Variants in INTS6 observed in about 807,000 individuals in gnomAD.
The protein encoded by INTS6 is DEAD box protein.
INTS6 carries 16 observed loss-of-function variants against 104.9 expected under a neutral mutation model. That is an observed-to-expected ratio of 0.15 (90% CI 0.10 to 0.23). The LOEUF is 0.23. Ranked by LOEUF, INTS6 falls within the 10% of genes least tolerant of loss-of-function variation. The pLI is 1.00. For missense variants in INTS6, 584 were observed against 1,062.8 expected (o/e 0.55, Z 6.26); for synonymous variants, 324 against 358.7 (o/e 0.90, Z 1.09).
chr13:51,343,190 C>T, the INTS6 span, among the ~76,000 whole-genome samples: 3 of 152,122 alleles, frequency 2.0e-5, no homozygotes, highest in East Asian at 1.9e-4. Flanking sequence ...GAAAACCAGC[C>T]GGAGCCAGGT....
chr13:51,450,283 C>A (rs145230514), intron 3 of INTS6: 3 of 984,918 alleles, frequency 3.0e-6, no homozygotes, highest in Non-Finnish European at 3.6e-6. Flanking sequence ...TTACAATAGA[C>A]CACCTTGCAT....
At chr13:51,432,046 G>A (rs1957101274) in intron 3 of INTS6, among the ~76,000 whole-genome samples, 1 of 151,996 alleles carries the variant, frequency 6.6e-6, no homozygotes, top group Non-Finnish European at 1.5e-5. Flanking sequence ...TTTCCCTAAA[G>A]TAGAATGCTT....
the INTS6 span, chr13:51,341,470 C>A: frequency 1.0e-6 from 1 of 965,236 alleles, no homozygotes; most frequent in Non-Finnish European, 1.5e-6. Context: ...CTCATACTCA[C>A]ACTCACTCTC....
chr13:51,387,589 T>A, intron 6 of INTS6, 49 bp from the exon 7 acceptor site: 2 of 1,419,790 alleles, frequency 1.4e-6, no homozygotes, highest in Non-Finnish European at 1.9e-6. Context: ...TAAGGGGGGA[T>A]AAGCATAAAA....
rs1956087138 is a variant in INTS6, at chr13:51,383,417, A to G, written c.1092T>C (p.Pro364=). The G allele has an allele frequency of 9.9e-6, 16 of 1,614,030 alleles. No individual in the cohort carries two copies. Among genetic ancestry groups the G allele is most frequent in the Non-Finnish European group, 1.0e-5 (12 of 1,179,942 alleles). Residue 364 remains proline, a synonymous_variant, in exon 9 of 18, where the codon CCT becomes CCC. Coordinates refer to ENST00000311234, the MANE Select transcript of INTS6 (RefSeq NM_012141.3). The part of the protein sequence containing the change: ...NSAKYSELGH[P]FGYLKASTAL... ...CTGTACTGGCTTTCAAGTAACCAAA[A>G]GGATGACCAAGTTCACTGTATTTTG...
At chr13:51,390,992 T>C (rs1956236926) in intron 5 of INTS6, among the ~76,000 whole-genome samples, 1 of 152,140 alleles carries the variant, frequency 6.6e-6, no homozygotes, top group Non-Finnish European at 1.5e-5. Context: ...ATTCAAACCC[T>C]TACAGTGTAT....
intron 4 of INTS6, among the ~76,000 whole-genome samples, chr13:51,419,488 T>A (rs1178871484): frequency 6.6e-6 from 1 of 152,218 alleles, no homozygotes; most frequent in African/African-American, 2.4e-5. Context: ...CTCTCTTCAG[T>A]GACCTTTATG....
At chr13:51,376,237 C>A (rs562761279) in intron 12 of INTS6, 63 bp from the exon 13 acceptor site, 49 of 1,347,644 alleles carry the variant, frequency 3.6e-5, no homozygotes, top group Middle Eastern at 1.9e-4. Context: ...AGACTAAAAT[C>A]TCTAGCCTGC....
intron 3 of INTS6, chr13:51,447,305 ACTAC>A: frequency 6.6e-6 from 1 of 152,284 alleles, no homozygotes; most frequent in South Asian, 2.1e-4. Flanking sequence ...TGTATTTCAC[ACTAC>A]CTATTAAATG....
In INTS6 at chr13:51,369,069, T is replaced by C. The variant is rs770336748; in HGVS notation, c.2346A>G (p.Gln782=). 2.5e-5 allele frequency: 40 copies of C among 1,613,776 alleles called. No individual in the cohort carries two copies. In the South Asian group the frequency reaches 4.4e-4, roughly 18 times the overall value. ...ATGCTGGTATGTTCTCTTCAGCACA[T>C]TGTTCTTTATCTCTTGGCTCCTCAT... ...ENHEEPRDKE[Q]CAEENIPASS... The change falls in exon 16 of 18, where the codon CAA becomes CAG. Residue 782 remains glutamine (Q), a synonymous_variant. Coordinates refer to ENST00000311234, the MANE Select transcript of INTS6 (RefSeq NM_012141.3).
At chr13:51,338,289 C>T in the INTS6 span, among the ~76,000 whole-genome samples, 1 of 152,346 alleles carries the variant, frequency 6.6e-6, no homozygotes, top group East Asian at 1.9e-4. Flanking sequence ...CGCTCCATCA[C>T]CATCAACATC....
intron 7 of INTS6, among the ~76,000 whole-genome samples, chr13:51,386,851 A>G (rs1220945860): frequency 6.6e-6 from 1 of 152,184 alleles, no homozygotes; most frequent in Non-Finnish European, 1.5e-5. Context: ...AGAATTATAT[A>G]ATGAATACTG....
At chr13:51,360,215 T>C (rs148137092), downstream of INTS6, among the ~76,000 whole-genome samples, 2 of 152,178 alleles carry the variant, frequency 1.3e-5, no homozygotes, top group East Asian at 1.9e-4. Context: ...TCACACAATA[T>C]GTGTTCATCA....
At chr13:51,447,443 T>A (rs1293862382) in intron 3 of INTS6, 1 of 152,156 alleles carries the variant, frequency 6.6e-6, no homozygotes. Flanking sequence ...TCCCTGAGAA[T>A]CATTAAATTT....
At chr13:51,451,373 G>C (rs1365604891) in intron 2 of INTS6, 199 bp from the exon 3 acceptor site, 6 of 384,380 alleles carry the variant, frequency 1.6e-5, no homozygotes, top group Non-Finnish European at 2.3e-5. Context: ...TCTAGGTTTT[G>C]GTAGTTAACT....
rs57913744 is a variant in INTS6, at chr13:51,409,263, AAATAATAATAATAATAATAAT to A, written c.430-13801_430-13781del. ...GGGTGACAGAGTGAGAATCCGTCTC[AAATAATAATAATAATAATAAT>A]AATAATAATAATAATAATAATAATA... On this transcript the variant is annotated intron_variant, in intron 4 of 17. Coordinates refer to ENST00000311234, the MANE Select transcript of INTS6 (RefSeq NM_012141.3). 3.6e-3 allele frequency among the ~76,000 whole-genome samples: 485 copies of A among 135,946 alleles called. 1 individual carries two copies. Among genetic ancestry groups the A allele is most frequent in the Admixed American group, 5.5e-3 (74 of 13,350 alleles). 89.2% of individuals were successfully genotyped at this position (135,946 alleles called of 152,430 possible). A position where few individuals can be genotyped will look rare whatever the true frequency, so the allele number is the denominator to read the frequency against.
At chr13:51,405,613 C>T (rs1956547263) in intron 4 of INTS6, among the ~76,000 whole-genome samples, 1 of 152,064 alleles carries the variant, frequency 6.6e-6, no homozygotes, top group Non-Finnish European at 1.5e-5. Context: ...CTCCGAAGCA[C>T]TCAAAGGTAT....
chr13:51,372,093 C>T (rs933558319), intron 15 of INTS6, among the ~76,000 whole-genome samples: 1 of 152,288 alleles, frequency 6.6e-6, no homozygotes, highest in South Asian at 2.1e-4. Flanking sequence ...TTTCAAAACC[C>T]TGTGAACTCT....
intron 4 of INTS6, chr13:51,402,614 T>C (rs764667376): frequency 9.9e-5 from 15 of 152,206 alleles, no homozygotes; most frequent in Admixed American, 5.2e-4. Flanking sequence ...TTTAGTAATA[T>C]CGCCAACCCA....
Sources: gnomAD v4.1 joint callset for allele counts (sites outside exome capture counted in the v4.1 genomes callset) on GRCh38, gnomAD v4.1.1 for gene constraint, MANE v1.5 for transcripts, NCBI Gene and HGNC (gene_info 2026-07-23, HGNC 2026-07-21) for gene names.